HFM1: variants seen among roughly 807,000 people sequenced by gnomAD.
HFM1 encodes helicase for meiosis 1.
Under a neutral mutation model 192.1 loss-of-function variants are expected in HFM1, and 169 were observed. That is an observed-to-expected ratio of 0.88 (90% CI 0.78 to 1.00). The LOEUF (loss-of-function observed/expected upper bound fraction) is 1.00, where lower values mean the gene tolerates loss of function less well. HFM1 is among the 50% of genes least tolerant of loss of function. The pLI is 0.00. For missense variants in HFM1, 1,661 were observed against 1,668.0 expected, an observed-to-expected ratio of 1.00 and a Z score of 0.07; for synonymous variants, 525 against 537.8, an observed-to-expected ratio of 0.98 and a Z score of 0.33.
intron 30 of HFM1, among the ~76,000 whole-genome samples, chr1:91,277,693 TAATA>T (rs1244792182): frequency 7.9e-6 from 1 of 126,506 alleles, no homozygotes; most frequent in East Asian, 2.0e-4. Context: ...TAATATATAC[TAATA>T]TATATTATAT....
At chr1:91,361,327 G>A (rs1658479406) in intron 13 of HFM1, among the ~76,000 whole-genome samples, 1 of 151,858 alleles carries the variant, frequency 6.6e-6, no homozygotes. Context: ...AAGAAGAAAG[G>A]AGAGAAGGAT....
chr1:91,268,414 G>C (rs777433551), intron 34 of HFM1, among the ~76,000 whole-genome samples: 2 of 151,914 alleles, frequency 1.3e-5, no homozygotes, highest in African/African-American at 2.4e-5. Context: ...CCTGGATTTA[G>C]AGCCAAATTA....
intron 11 of HFM1, 119 bp from the exon 12 acceptor site, chr1:91,375,846 T>G (rs181914566): frequency 1.4e-6 from 1 of 722,520 alleles, no homozygotes; most frequent in East Asian, 2.6e-5. Context: ...TCAAGTATGC[T>G]GTCTTTTTCA....
chr1:91,403,347 T>G (rs1374676959), intron 1 of HFM1, among the ~76,000 whole-genome samples: 1 of 152,172 alleles, frequency 6.6e-6, no homozygotes, highest in African/African-American at 2.4e-5. Context: ...AACTTAAAAT[T>G]TGAGCCCCAA....
intron 4 of HFM1, among the ~76,000 whole-genome samples, chr1:91,391,090 T>C (rs1369540471): frequency 1.3e-5 from 2 of 151,942 alleles, no homozygotes; most frequent in Non-Finnish European, 1.5e-5. Flanking sequence ...CACTGCTCAA[T>C]GAAATAAAAG....
At chr1:91,375,089 T>C (rs778615514) in intron 13 of HFM1, among the ~76,000 whole-genome samples, 5 of 152,046 alleles carry the variant, frequency 3.3e-5, no homozygotes, top group Non-Finnish European at 7.4e-5. Flanking sequence ...AAGATCAGCT[T>C]TAGTGAAAGA....
intron 18 of HFM1, among the ~76,000 whole-genome samples, chr1:91,349,225 T>C (rs1254325671): frequency 2.0e-5 from 3 of 151,706 alleles, no homozygotes; most frequent in East Asian, 3.9e-4. Flanking sequence ...GAGGTGGAGA[T>C]TGCAGTGAGC....
At chr1:91,328,449 C>A (rs1653267004) in intron 20 of HFM1, 1 of 1,612,326 alleles carries the variant, frequency 6.2e-7, no homozygotes, top group Non-Finnish European at 8.5e-7. Context: ...AGAATGACAT[C>A]AAGAGCTACT....
At chr1:91,325,131 A>T (rs990335047) in intron 20 of HFM1, among the ~76,000 whole-genome samples, 132 of 152,314 alleles carry the variant, frequency 8.7e-4, no homozygotes, top group African/African-American at 3.2e-3. Flanking sequence ...TGAAGGATGC[A>T]TAGTCCCAGG....
intron 18 of HFM1, 115 bp from the exon 19 acceptor site, chr1:91,347,591 T>G: frequency 2.0e-6 from 1 of 511,862 alleles, no homozygotes; most frequent in South Asian, 4.6e-5. Context: ...AAAAAAAATC[T>G]CAGCTGATTG....
intron 35 of HFM1, among the ~76,000 whole-genome samples, chr1:91,267,486 G>C (rs369810538): frequency 6.6e-6 from 1 of 152,104 alleles, no homozygotes; most frequent in Non-Finnish European, 1.5e-5. Flanking sequence ...ACTTTTACAA[G>C]AGATAGGAGC....
In HFM1 at chr1:91,352,540, A is replaced by T. The variant is rs750382272; in HGVS notation, c.1943T>A (p.Ile648Asn). 3.5e-5 allele frequency: 56 copies of T among 1,607,870 alleles called. No individual in the cohort carries two copies. Among genetic ancestry groups the T allele is most frequent in the Non-Finnish European group, 4.6e-5 (54 of 1,176,978 alleles). ...GLFEEYSETD[I>N]LQMIGRAGRP... ...ACCAGCTCTACCAATCATCTGTAGA[A>T]TATCTGTTTCACTGTACTCTTCAAA... Residue 648 changes from isoleucine (I) to asparagine (N), a missense_variant, in exon 16 of 39, where the codon ATT (isoleucine) becomes AAT (asparagine). By Grantham distance (149) the Ile-to-Asn change is moderately radical. Coordinates refer to ENST00000370425, the MANE Select transcript of HFM1 (RefSeq NM_001017975.6).
intron 13 of HFM1, among the ~76,000 whole-genome samples, chr1:91,356,165 A>C (rs1313931951): frequency 1.3e-5 from 2 of 152,208 alleles, no homozygotes; most frequent in African/African-American, 4.8e-5. Context: ...GGGAAATTAA[A>C]AAATATCTTG....
intron 23 of HFM1, among the ~76,000 whole-genome samples, chr1:91,322,324 T>C (rs936632974): frequency 3.3e-5 from 5 of 152,180 alleles, no homozygotes; most frequent in Non-Finnish European, 1.5e-5. Context: ...TAATTGGTTT[T>C]ATTGAGCCAC....
intron 4 of HFM1, among the ~76,000 whole-genome samples, chr1:91,393,107 T>C (rs367917952): frequency 2.0e-5 from 3 of 152,236 alleles, no homozygotes; most frequent in African/African-American, 7.2e-5. Context: ...GTGAATTTTA[T>C]GGTATGTGAA....
At chr1:91,276,811 T>G in intron 31 of HFM1, 68 bp from the exon 32 acceptor site, 1 of 909,452 alleles carries the variant, frequency 1.1e-6, no homozygotes, top group Non-Finnish European at 1.6e-6. Flanking sequence ...TCAAATTTCT[T>G]TAAAATTTCA....
Position 91,379,203 on chromosome 1 carries a change from T to TTATTGGTGC in HFM1, c.1009_1017dup (p.Ala337_Ile339dup). The TTATTGGTGC allele has an allele frequency of 1.2e-6, 2 of 1,602,616 alleles. No individual in the cohort carries two copies. The highest frequency in any genetic ancestry group is 1.7e-6 in the Non-Finnish European group (2 of 1,176,008). On this transcript the variant is annotated inframe_insertion, in exon 9 of 39. Transcript: ENST00000370425. ...TCAAAACGCTGACTGCACAAGGCTT[T>TTATTGGTGC]TATTGGTGCCACTGTAACAATATAA...
chr1:91,385,047 GTACCTCT>G, intron 6 of HFM1, 133 bp downstream of exon 6: 1 of 600,460 alleles, frequency 1.7e-6, no homozygotes, highest in East Asian at 3.1e-5. Flanking sequence ...CCGGCCACAT[GTACCTCT>G]TACAACACCA....
chr1:91,299,494 C>T (rs1648309087), intron 30 of HFM1, among the ~76,000 whole-genome samples: 1 of 152,266 alleles, frequency 6.6e-6, no homozygotes, highest in Non-Finnish European at 1.5e-5. Context: ...CTTGTCAGCA[C>T]CACACCACAC....
Sources: gnomAD v4.1 joint callset for allele counts (sites outside exome capture counted in the v4.1 genomes callset) on GRCh38, gnomAD v4.1.1 for gene constraint, MANE v1.5 for transcripts, NCBI Gene and HGNC (gene_info 2026-07-23, HGNC 2026-07-21) for gene names.